Variants in OXR1 observed in about 807,000 individuals in gnomAD.
OXR1 encodes oxidation resistance protein 1.
A neutral mutation model predicts 104.6 loss-of-function variants in OXR1; 41 were observed. The observed-to-expected ratio is 0.39, with a 90% CI of 0.31 to 0.51. The LOEUF (loss-of-function observed/expected upper bound fraction) is 0.51. Among genes scored for constraint, OXR1 ranks in the 20% least tolerant of loss-of-function variants. OXR1 has a pLI of 0.77. For missense variants in OXR1, 955 were observed against 1,031.9 expected (o/e 0.93, Z 1.02); for synonymous variants, 348 against 348.4 (o/e 1.00, Z 0.01).
At chr8:106,682,787 A>G (rs1185499838) in intron 4 of OXR1, among the ~76,000 whole-genome samples, 2 of 152,206 alleles carry the variant, frequency 1.3e-5, no homozygotes, top group Non-Finnish European at 2.9e-5. Flanking sequence ...ATATATGCAT[A>G]AAGATCATTT....
chr8:106,550,215 C>T (rs1815693828), intron 3 of OXR1, among the ~76,000 whole-genome samples: 1 of 152,166 alleles, frequency 6.6e-6, no homozygotes, highest in Non-Finnish European at 1.5e-5. Context: ...AGCAGATAGT[C>T]CCAGAGTGCT....
chr8:106,739,646 C>A (rs929274936), intron 13 of OXR1, 63 bp downstream of exon 13: 3 of 1,513,888 alleles, frequency 2.0e-6, no homozygotes, highest in Non-Finnish European at 2.7e-6. Flanking sequence ...AGTAAAACAG[C>A]CTCTTTTTAG....
chr8:106,704,371 T>C (rs968953890), intron 8 of OXR1, among the ~76,000 whole-genome samples: 12 of 150,326 alleles, frequency 8.0e-5, no homozygotes, highest in Non-Finnish European at 1.6e-4. Flanking sequence ...TTCTTTCTTT[T>C]TCTTTTTCTT....
intron 2 of OXR1, among the ~76,000 whole-genome samples, chr8:106,376,806 G>T (rs182435056): frequency 6.6e-6 from 1 of 152,242 alleles, no homozygotes; most frequent in East Asian, 1.9e-4. Context: ...CATGTATCCC[G>T]TCAACAGAAA....
intron 6 of OXR1, among the ~76,000 whole-genome samples, chr8:106,686,733 T>C (rs1368783985): frequency 6.6e-6 from 1 of 152,230 alleles, no homozygotes; most frequent in African/African-American, 2.4e-5. Context: ...AGTGGTTTAC[T>C]ATGAAGCTAA....
chr8:106,613,604 G>A (rs1169984782), intron 3 of OXR1, among the ~76,000 whole-genome samples: 1 of 152,186 alleles, frequency 6.6e-6, no homozygotes, highest in African/African-American at 2.4e-5. Flanking sequence ...TCACCATGTT[G>A]GACAGGCTGG....
chr8:106,473,261 G>A (rs1227327435), intron 2 of OXR1, among the ~76,000 whole-genome samples: 1 of 151,824 alleles, frequency 6.6e-6, no homozygotes, highest in Non-Finnish European at 1.5e-5. Context: ...TGGGCAACTG[G>A]AAAATGCCTT....
intron 1 of OXR1, among the ~76,000 whole-genome samples, chr8:106,329,056 A>G (rs1020868477): frequency 6.6e-6 from 1 of 151,966 alleles, no homozygotes; most frequent in Admixed American, 6.5e-5. Flanking sequence ...CAGTGGTGCG[A>G]TCTCTGCTCA....
chr8:106,483,877 A>G (rs1822285961), intron 2 of OXR1, among the ~76,000 whole-genome samples: 1 of 152,068 alleles, frequency 6.6e-6, no homozygotes, highest in Non-Finnish European at 1.5e-5. Flanking sequence ...AAGCTATTAT[A>G]TCCTAGACTC....
At chr8:106,375,683 G>T (rs1816880099) in intron 2 of OXR1, among the ~76,000 whole-genome samples, 1 of 152,164 alleles carries the variant, frequency 6.6e-6, no homozygotes, top group Non-Finnish European at 1.5e-5. Context: ...CAAATGGCTG[G>T]ACATTCATTA....
intron 1 of OXR1, among the ~76,000 whole-genome samples, chr8:106,342,827 G>A (rs1051211628): frequency 1.3e-5 from 2 of 152,116 alleles, no homozygotes; most frequent in African/African-American, 2.4e-5. Flanking sequence ...CTCCAGCACC[G>A]GTTGTTAAAC....
At chr8:106,272,167 A>G (rs1811846615) in intron 1 of OXR1, 1 of 152,212 alleles carries the variant, frequency 6.6e-6, no homozygotes, top group South Asian at 2.1e-4. Flanking sequence ...CACCTTTTTG[A>G]ACAGCAAAGA....
intron 1 of OXR1, among the ~76,000 whole-genome samples, chr8:106,323,195 C>T (rs937245834): frequency 6.6e-6 from 1 of 152,084 alleles, no homozygotes; most frequent in Non-Finnish European, 1.5e-5. Flanking sequence ...TTGGCACATA[C>T]CAGTGGAACA....
chr8:106,643,430 T>C (rs1586953125), intron 3 of OXR1, among the ~76,000 whole-genome samples: 1 of 104,416 alleles, frequency 9.6e-6, no homozygotes, highest in Admixed American at 8.7e-5. Context: ...AGGGAATCAA[T>C]AGAATTTTTT....
chr8:106,673,848 G>A (rs752504374), intron 3 of OXR1, among the ~76,000 whole-genome samples: 18 of 152,328 alleles, frequency 1.2e-4, no homozygotes, highest in East Asian at 1.2e-3. Context: ...GTTTACGTGC[G>A]GTGGTGTGCC....
At chr8:106,430,132 A>G (rs1187664728) in intron 2 of OXR1, among the ~76,000 whole-genome samples, 2 of 152,162 alleles carry the variant, frequency 1.3e-5, no homozygotes, top group Non-Finnish European at 2.9e-5. Context: ...TAAAGTCATA[A>G]TCCCTTGCAA....
chr8:106,730,811 T>G (rs1417598637), intron 11 of OXR1, among the ~76,000 whole-genome samples: 4 of 151,556 alleles, frequency 2.6e-5, no homozygotes, highest in African/African-American at 4.9e-5. Flanking sequence ...GCCTGTAATA[T>G]CAACACTTTA....
chr8:106,346,099 C>T (rs1442834772), intron 1 of OXR1, among the ~76,000 whole-genome samples: 2 of 125,226 alleles, frequency 1.6e-5, no homozygotes, highest in Non-Finnish European at 3.5e-5. Flanking sequence ...GTTTATTCCA[C>T]CCCCCCTACC....
In OXR1 at chr8:106,409,668, A is replaced by C. The variant is rs1270316612; in HGVS notation, c.23+50032A>C. Among the ~76,000 whole-genome samples the C allele has an allele frequency of 3.9e-5, 6 of 152,146 alleles. No individual in the cohort carries two copies. The East Asian group carries it at 1.2e-3, about 29-fold the overall frequency. ...TAGAGAATGTTTAAGAATATTTGTG[A>C]TTTACTCACTAGCTTTATTTTAGCG... On this transcript the variant is annotated intron_variant, in intron 2 of 16. Coordinates refer to ENST00000517566, the MANE Select transcript of OXR1 (RefSeq NM_001198533.2).
Sources: gnomAD v4.1 joint callset for allele counts (sites outside exome capture counted in the v4.1 genomes callset) on GRCh38, gnomAD v4.1.1 for gene constraint, MANE v1.5 for transcripts, NCBI Gene and HGNC (gene_info 2026-07-23, HGNC 2026-07-21) for gene names.